The following PTPRD variants were observed in gnomAD, a reference collection of about 807,000 sequenced individuals.
PTPRD encodes receptor-type tyrosine-protein phosphatase delta.
In PTPRD, 34 loss-of-function variants were observed where a neutral mutation model predicts 214.5. That is an observed-to-expected ratio of 0.16 (90% CI 0.12 to 0.21). The LOEUF is 0.21. PTPRD is among the 10% of genes least tolerant of loss of function. The pLI is 1.00. For missense variants in PTPRD, 2,545 were observed against 2,398.7 expected, an observed-to-expected ratio of 1.06 and a Z score of -1.27; for synonymous variants, 1,128 against 845.7, an observed-to-expected ratio of 1.33 and a Z score of -5.79.
chr9:10,449,601 G>A (rs892535011), intron 2 of PTPRD, among the ~76,000 whole-genome samples: 4 of 151,378 alleles, frequency 2.6e-5, no homozygotes, highest in African/African-American at 9.8e-5. Context: ...GAGGGTCTCT[G>A]CCCAGCCGCC....
At chr9:9,786,994 T>C (rs12350471) in intron 5 of PTPRD, among the ~76,000 whole-genome samples, 71,102 of 151,644 alleles carry the variant, frequency 0.47, 17,574 homozygotes, top group Middle Eastern at 0.62. Flanking sequence ...AAAAATTAGC[T>C]TGTGTGGTGG....
chr9:8,469,099 A>T (rs1198899538), intron 31 of PTPRD, among the ~76,000 whole-genome samples: 1 of 152,084 alleles, frequency 6.6e-6, no homozygotes, highest in African/African-American at 2.4e-5. Flanking sequence ...AATGTTCTTT[A>T]TCAAACCATT....
intron 7 of PTPRD, among the ~76,000 whole-genome samples, chr9:9,589,385 T>C (rs998597679): frequency 1.3e-5 from 2 of 151,942 alleles, no homozygotes; most frequent in Non-Finnish European, 2.9e-5. Context: ...TTAACTCTTG[T>C]GGCATGTTCT....
chr9:9,228,223 T>G (rs1030422544), intron 9 of PTPRD, among the ~76,000 whole-genome samples: 2 of 152,154 alleles, frequency 1.3e-5, no homozygotes, highest in Non-Finnish European at 2.9e-5. Flanking sequence ...TCATTCTTCA[T>G]GCAGGAATAT....
At chr9:9,719,488 C>G (rs1039148461) in intron 7 of PTPRD, among the ~76,000 whole-genome samples, 2 of 152,278 alleles carry the variant, frequency 1.3e-5, no homozygotes, top group Middle Eastern at 3.4e-3. Flanking sequence ...GCTGCTTTAA[C>G]GTCATAGCCC....
At chr9:8,840,070 T>G (rs1322064393) in intron 11 of PTPRD, among the ~76,000 whole-genome samples, 2 of 152,230 alleles carry the variant, frequency 1.3e-5, no homozygotes, top group Non-Finnish European at 2.9e-5. Flanking sequence ...ATTATATTAC[T>G]TTTATGGCTT....
At chr9:9,682,097 A>T (rs2097086109) in intron 7 of PTPRD, among the ~76,000 whole-genome samples, 1 of 151,770 alleles carries the variant, frequency 6.6e-6, no homozygotes, top group Admixed American at 6.6e-5. Flanking sequence ...CAGCCCCTGG[A>T]AAACAGCAAA....
chr9:9,963,342 G>A lies in PTPRD; in HGVS notation c.-471-24732C>T, dbSNP rs1194460829. On this transcript the variant is annotated intron_variant, in intron 4 of 45. Transcript: ENST00000381196. ...TTTGGCACTCAATAGATCCCTGTAAGTCCCATTAACAGCAATGGGAATTCT... is the reference window on the plus strand; with the variant it reads ...TTTGGCACTCAATAGATCCCTGTAAATCCCATTAACAGCAATGGGAATTCT... Among the ~76,000 whole-genome samples the A allele has an allele frequency of 2.6e-5, 4 of 152,110 alleles. No homozygotes were observed. In the East Asian group the frequency reaches 5.8e-4, roughly 22 times the overall value.
intron 2 of PTPRD, among the ~76,000 whole-genome samples, chr9:10,413,413 G>C (rs539887892): frequency 6.6e-6 from 1 of 151,818 alleles, no homozygotes; most frequent in Non-Finnish European, 1.5e-5. Flanking sequence ...GGATGTAAAA[G>C]ATCTCTATGA....
intron 11 of PTPRD, among the ~76,000 whole-genome samples, chr9:8,843,517 C>G (rs931266867): frequency 5.9e-5 from 9 of 152,128 alleles, no homozygotes; most frequent in African/African-American, 2.2e-4. Context: ...TATGTCGGTG[C>G]TGGTTCTATA....
intron 9 of PTPRD, among the ~76,000 whole-genome samples, chr9:9,203,642 T>C (rs1226940664): frequency 2.0e-5 from 3 of 152,174 alleles, no homozygotes; most frequent in Non-Finnish European, 4.4e-5. Flanking sequence ...CTCCCCTTGA[T>C]CCATTCTCTC....
chr9:10,078,009 T>C (rs980296270), intron 3 of PTPRD, among the ~76,000 whole-genome samples: 40 of 152,060 alleles, frequency 2.6e-4, no homozygotes, highest in African/African-American at 8.5e-4. Context: ...AATTGATATA[T>C]GTAAATTCTC....
chr9:9,318,192 AAC>A (rs1257322522), intron 9 of PTPRD, among the ~76,000 whole-genome samples: 1 of 151,104 alleles, frequency 6.6e-6, no homozygotes, highest in African/African-American at 2.4e-5. Flanking sequence ...CAAAAAACAA[AAC>A]AAACAAACAA....
At chr9:9,526,708 GAT>G (rs1425951713) in intron 8 of PTPRD, among the ~76,000 whole-genome samples, 2 of 152,076 alleles carry the variant, frequency 1.3e-5, no homozygotes, top group South Asian at 2.1e-4. Context: ...TTCTAAGAAA[GAT>G]ATAATTAATT....
chr9:9,630,093 G>A (rs75924830), intron 7 of PTPRD, among the ~76,000 whole-genome samples: 2,410 of 152,294 alleles, frequency 0.016, 54 homozygotes, highest in African/African-American at 0.055. Flanking sequence ...CAAGAAAAAG[G>A]ATTATATGGA....
intron 3 of PTPRD, among the ~76,000 whole-genome samples, chr9:10,090,570 T>A (rs2154197870): frequency 6.6e-6 from 1 of 150,828 alleles, no homozygotes; most frequent in African/African-American, 2.4e-5. Flanking sequence ...TATTTTAATG[T>A]ATTTTATGGT....
At chr9:9,532,995 A>T (rs2075808395) in intron 8 of PTPRD, among the ~76,000 whole-genome samples, 1 of 152,168 alleles carries the variant, frequency 6.6e-6, no homozygotes, top group Non-Finnish European at 1.5e-5. Flanking sequence ...TTCAGTGAAG[A>T]CAGTGCAGAA....
intron 14 of PTPRD, among the ~76,000 whole-genome samples, chr9:8,606,848 T>C (rs937893939): frequency 6.6e-6 from 1 of 152,252 alleles, no homozygotes; most frequent in Non-Finnish European, 1.5e-5. Flanking sequence ...GCTTAAATTA[T>C]AAATGAATCC....
intron 3 of PTPRD, among the ~76,000 whole-genome samples, chr9:10,208,334 G>A (rs1228505951): frequency 3.3e-5 from 5 of 152,158 alleles, no homozygotes; most frequent in Non-Finnish European, 7.3e-5. Flanking sequence ...CTAACACGGT[G>A]AAACCCCGTC....
Sources: gnomAD v4.1 joint callset for allele counts (sites outside exome capture counted in the v4.1 genomes callset) on GRCh38, gnomAD v4.1.1 for gene constraint, MANE v1.5 for transcripts, NCBI Gene and HGNC (gene_info 2026-07-23, HGNC 2026-07-21) for gene names.